RSPO3: variants seen among roughly 807,000 people sequenced by gnomAD.
RSPO3 encodes R-spondin 3.
A neutral mutation model predicts 36.5 loss-of-function variants in RSPO3; 17 were observed. The ratio of observed to expected loss-of-function variants is 0.47; its 90% confidence interval spans 0.32 to 0.70. The LOEUF (loss-of-function observed/expected upper bound fraction) is 0.70, where lower values mean the gene tolerates loss of function less well. Among genes scored for constraint, RSPO3 ranks in the 30% least tolerant of loss-of-function variants. RSPO3 has a pLI of 0.04. For synonymous variants in RSPO3, 108 were observed against 107.0 expected, an observed-to-expected ratio of 1.01 and a Z score of -0.06; for missense variants, 294 against 322.5, an observed-to-expected ratio of 0.91 and a Z score of 0.68.
chr6:127,161,002 C>A (rs1403045520), intron 4 of RSPO3, among the ~76,000 whole-genome samples: 1 of 141,794 alleles, frequency 7.1e-6, no homozygotes, highest in African/African-American at 2.6e-5. Context: ...TTTTTTTTTT[C>A]TTTCCCACCA....
intron 4 of RSPO3, among the ~76,000 whole-genome samples, chr6:127,187,698 G>C (rs1358376043): frequency 6.6e-6 from 1 of 152,042 alleles, no homozygotes; most frequent in African/African-American, 2.4e-5. Flanking sequence ...GGATTTCAAA[G>C]TCAAGATAAC....
At chr6:127,169,197 C>A (rs1774886214) in intron 4 of RSPO3, among the ~76,000 whole-genome samples, 1 of 151,924 alleles carries the variant, frequency 6.6e-6, no homozygotes, top group East Asian at 1.9e-4. Flanking sequence ...CACAACCTCA[C>A]CAGCATCTGG....
chr6:127,120,387 G>A (rs1773818744), intron 1 of RSPO3, among the ~76,000 whole-genome samples: 1 of 152,136 alleles, frequency 6.6e-6, no homozygotes, highest in Non-Finnish European at 1.5e-5. Context: ...GAGAGAGGGA[G>A]GAGGAAACTT....
At chr6:127,193,180 A>G (rs1582817934) in intron 4 of RSPO3, among the ~76,000 whole-genome samples, 1 of 152,332 alleles carries the variant, frequency 6.6e-6, no homozygotes, top group East Asian at 1.9e-4. Flanking sequence ...CTCACTGCCC[A>G]GACTAGTTAT....
intron 4 of RSPO3, chr6:127,192,638 T>C: frequency 1.0e-5 from 10 of 985,070 alleles, no homozygotes; most frequent in Non-Finnish European, 1.2e-5. Context: ...CCAAACACCC[T>C]CATAGGTAGA....
intron 1 of RSPO3, among the ~76,000 whole-genome samples, chr6:127,145,923 C>T (rs1774373866): frequency 6.6e-6 from 1 of 151,990 alleles, no homozygotes; most frequent in African/African-American, 2.4e-5. Context: ...TTGTGGTTTC[C>T]ATATAAAAAG....
chr6:127,145,990 T>C (rs1045102811), intron 1 of RSPO3, among the ~76,000 whole-genome samples: 3 of 152,156 alleles, frequency 2.0e-5, no homozygotes, highest in African/African-American at 7.2e-5. Flanking sequence ...TGTGTAATAC[T>C]GACTGTGTAA....
At chr6:127,119,785 C>G (rs923757794) in intron 1 of RSPO3, 2 of 152,882 alleles carry the variant, frequency 1.3e-5, no homozygotes, top group Non-Finnish European at 2.9e-5. Flanking sequence ...GGTAGCCGAA[C>G]GCCCGCTACC....
intron 4 of RSPO3, among the ~76,000 whole-genome samples, chr6:127,164,166 T>C (rs897429603): frequency 1.3e-5 from 2 of 152,054 alleles, no homozygotes; most frequent in Non-Finnish European, 2.9e-5. Flanking sequence ...GGACCCTACT[T>C]TGAATCACTG....
chr6:127,169,853 G>GT (rs5879841), intron 4 of RSPO3, among the ~76,000 whole-genome samples: 70,642 of 151,026 alleles, frequency 0.47, 16,676 homozygotes, highest in East Asian at 0.53. Flanking sequence ...TGCTTCTTTT[G>GT]TTTTTTTTAA....
intron 4 of RSPO3, among the ~76,000 whole-genome samples, chr6:127,183,784 TCA>T (rs1237003965): frequency 1.3e-5 from 2 of 152,042 alleles, no homozygotes; most frequent in African/African-American, 4.8e-5. Context: ...AATCAGGGAA[TCA>T]CTGCTAGAAT....
intron 4 of RSPO3, among the ~76,000 whole-genome samples, chr6:127,158,286 ATT>A (rs1389677424): frequency 1.3e-5 from 2 of 152,052 alleles, no homozygotes; most frequent in African/African-American, 2.4e-5. Flanking sequence ...GATAGCTATT[ATT>A]TGAGTTGCTC....
intron 4 of RSPO3, chr6:127,192,812 C>A: frequency 1.9e-6 from 1 of 517,762 alleles, no homozygotes; most frequent in Non-Finnish European, 2.5e-6. Context: ...GTCAGATTGT[C>A]ATAACTGGAA....
At position 127,150,566 on chromosome 6, in the gene RSPO3, A is replaced by G; in HGVS notation, c.430A>G (p.Ser144Gly). 1 of 1,607,170 alleles carries G rather than the reference A, an allele frequency of 6.2e-7. No individual in the cohort carries two copies. Among genetic ancestry groups the G allele is most frequent in the Non-Finnish European group, 8.5e-7 (1 of 1,177,146 alleles). Residue 144 changes from serine to glycine, a missense_variant, in exon 3 of 5, where the codon AGT (serine) becomes GGT (glycine). Around this residue, in one of 3 missense-constraint regions of RSPO3, gnomAD observed 190 missense variants for 185.2 expected, o/e 1.03. Coordinates refer to ENST00000356698, the MANE Select transcript of RSPO3 (RefSeq NM_032784.5). The part of the protein sequence containing the change: ...EANNHTMECV[S>G]IVHCEVSEWN... ...CAACAACCATACTATGGAGTGTGTC[A>G]GTATTGGTAAGGAGAACCTGTAATA...
chr6:127,186,602 C>A (rs1775299167), intron 4 of RSPO3, among the ~76,000 whole-genome samples: 1 of 152,118 alleles, frequency 6.6e-6, no homozygotes, highest in South Asian at 2.1e-4. Context: ...TAAAAATTTA[C>A]TGGGAAAAAA....
chr6:127,180,720 A>G (rs1775167650), intron 4 of RSPO3, among the ~76,000 whole-genome samples: 2 of 151,812 alleles, frequency 1.3e-5, no homozygotes, highest in Non-Finnish European at 1.5e-5. Flanking sequence ...AGGCTGTTCT[A>G]TTATTAAGGG....
chr6:127,154,689 G>A (rs1185868215), intron 3 of RSPO3, among the ~76,000 whole-genome samples: 1 of 152,152 alleles, frequency 6.6e-6, no homozygotes, highest in Non-Finnish European at 1.5e-5. Context: ...TTCTCAAAAG[G>A]AGTTCCCAGT....
intron 4 of RSPO3, among the ~76,000 whole-genome samples, chr6:127,172,215 T>A: frequency 7.3e-6 from 1 of 137,080 alleles, no homozygotes; most frequent in East Asian, 2.1e-4. Context: ...CAGATATAAA[T>A]ATATATATAT....
Position 127,161,275 on chromosome 6 carries a change from T to C in RSPO3, c.634+5837T>C, listed in dbSNP as rs958205489. ...ATTACAGCCAGCACCTTGATAGATA[T>C]AGAAAAAAAAATGAAATGACAGTTT... On this transcript the variant is annotated intron_variant, in intron 4 of 4. Transcript: ENST00000356698. Among the ~76,000 whole-genome samples, 3 of 152,020 alleles carry C rather than the reference T, an allele frequency of 2.0e-5. No homozygotes were observed. In the Middle Eastern group the frequency reaches 0.01, roughly 517 times the overall value.
Sources: gnomAD v4.1 joint callset for allele counts (sites outside exome capture counted in the v4.1 genomes callset) on GRCh38, gnomAD v4.1.1 for gene constraint, gnomAD v4.1.1 regional missense constraint, MANE v1.5 for transcripts, NCBI Gene and HGNC (gene_info 2026-07-23, HGNC 2026-07-21) for gene names.